Variants in CAB39 observed in about 807,000 individuals in gnomAD.
CAB39 encodes calcium-binding protein 39.
CAB39 carries 8 observed loss-of-function variants against 40.0 expected under a neutral mutation model. That is an observed-to-expected ratio of 0.20 (90% CI 0.12 to 0.36). The LOEUF is 0.36. Ranked by LOEUF, CAB39 falls within the 10% of genes least tolerant of loss-of-function variation. The pLI is 1.00. For missense variants in CAB39, 270 were observed against 401.1 expected, an observed-to-expected ratio of 0.67 and a Z score of 2.79; for synonymous variants, 156 against 141.6, an observed-to-expected ratio of 1.10 and a Z score of -0.72.
At chr2:230,806,414 G>A (rs1696195047) in intron 5 of CAB39, among the ~76,000 whole-genome samples, 1 of 152,136 alleles carries the variant, frequency 6.6e-6, no homozygotes. Flanking sequence ...CTAACTGATA[G>A]TCTCACTCCA....
At chr2:230,817,196 TAAG>T (rs766768260) in intron 7 of CAB39, among the ~76,000 whole-genome samples, 48 of 152,284 alleles carry the variant, frequency 3.2e-4, no homozygotes, top group Admixed American at 1.8e-3. Context: ...TCAGGAGACC[TAAG>T]AAGGAGCAGA....
At chr2:230,725,311 G>T (rs1694544339) in intron 1 of CAB39, 1 of 1,572,818 alleles carries the variant, frequency 6.4e-7, no homozygotes, top group African/African-American at 1.4e-5. Context: ...CCAGCTTCTT[G>T]CCCAGGACTT....
chr2:230,722,670 C>T (rs1002401354), intron 1 of CAB39, among the ~76,000 whole-genome samples: 4 of 152,188 alleles, frequency 2.6e-5, no homozygotes, highest in African/African-American at 9.7e-5. Context: ...CCATGCATAG[C>T]GTGTCTGATA....
intron 1 of CAB39, among the ~76,000 whole-genome samples, chr2:230,727,363 C>CGT (rs10542723): frequency 0.15 from 19,177 of 126,806 alleles, 1,508 homozygotes; most frequent in Middle Eastern, 0.2. Flanking sequence ...GATTGTTAAC[C>CGT]GTGTGTGTGT....
intron 2 of CAB39, among the ~76,000 whole-genome samples, chr2:230,770,873 TAGAG>T (rs1484210254): frequency 6.6e-6 from 1 of 151,660 alleles, no homozygotes; most frequent in African/African-American, 2.4e-5. Context: ...AAACTAGAAA[TAGAG>T]GAAGGGAATT....
At position 230,720,368 on chromosome 2, in the gene CAB39, G is replaced by A. The variant is rs192813380; in HGVS notation, c.-44+7138G>A. ...ATTCTATCACTGGTAAGAGATAAGG[G>A]TGATATTCACCACCCATTAGCATTC... On this transcript the variant is annotated intron_variant, in intron 1 of 8. Transcript: ENST00000258418. Among the ~76,000 whole-genome samples, 225 of 152,290 alleles carry A rather than the reference G, an allele frequency of 1.5e-3. 1 individual carries two copies. Among genetic ancestry groups the A allele is most frequent in the Middle Eastern group, 3.4e-3 (1 of 294 alleles).
chr2:230,720,309 C>A (rs1694425086), intron 1 of CAB39, among the ~76,000 whole-genome samples: 2 of 152,222 alleles, frequency 1.3e-5, no homozygotes, highest in African/African-American at 4.8e-5. Flanking sequence ...AGGTGGCATC[C>A]TGGCTTAGAT....
chr2:230,740,432 G>A (rs1244017846), intron 1 of CAB39, among the ~76,000 whole-genome samples: 1 of 152,148 alleles, frequency 6.6e-6, no homozygotes, highest in Non-Finnish European at 1.5e-5. Context: ...AAATCAGAAG[G>A]AATTGAATAG....
intron 2 of CAB39, among the ~76,000 whole-genome samples, chr2:230,787,024 T>C (rs1435557514): frequency 6.6e-6 from 1 of 151,986 alleles, no homozygotes; most frequent in Non-Finnish European, 1.5e-5. Context: ...CTGAGGGGGA[T>C]TATTAGGAGG....
At chr2:230,742,759 A>G (rs1361719558) in intron 1 of CAB39, among the ~76,000 whole-genome samples, 12 of 152,168 alleles carry the variant, frequency 7.9e-5, no homozygotes, top group Non-Finnish European at 1.5e-5. Flanking sequence ...AATTGATCAG[A>G]GGGGTGGAAA....
At chr2:230,745,433 C>T (rs556277175) in intron 1 of CAB39, among the ~76,000 whole-genome samples, 2 of 152,298 alleles carry the variant, frequency 1.3e-5, no homozygotes, top group East Asian at 3.9e-4. Flanking sequence ...GATGAGTCCT[C>T]AGAGGAGCTC....
At chr2:230,793,156 G>A (rs201541122) in intron 3 of CAB39, 57 bp from the exon 4 acceptor site, 29 of 946,080 alleles carry the variant, frequency 3.1e-5, no homozygotes, top group Non-Finnish European at 4.8e-5. Flanking sequence ...TTGGGAGGGT[G>A]AATGAGCATT....
At chr2:230,777,284 G>C (rs1173807817) in intron 2 of CAB39, among the ~76,000 whole-genome samples, 1 of 151,142 alleles carries the variant, frequency 6.6e-6, no homozygotes, top group African/African-American at 2.4e-5. Flanking sequence ...ATTCTAGCTT[G>C]TTTTCTCCCT....
chr2:230,786,583 G>A (rs1181492626), intron 2 of CAB39, among the ~76,000 whole-genome samples: 1 of 152,082 alleles, frequency 6.6e-6, no homozygotes, highest in African/African-American at 2.4e-5. Flanking sequence ...AATAGAATAT[G>A]GTCTGAATTC....
chr2:230,751,957 A>G (rs770474270), intron 1 of CAB39, among the ~76,000 whole-genome samples: 27 of 151,784 alleles, frequency 1.8e-4, no homozygotes, highest in Non-Finnish European at 2.8e-4. Context: ...CCGTTTTTTA[A>G]AAGCTCGAAT....
chr2:230,755,986 G>A (rs1338823966), intron 1 of CAB39, among the ~76,000 whole-genome samples: 2 of 152,174 alleles, frequency 1.3e-5, no homozygotes, highest in Non-Finnish European at 2.9e-5. Context: ...CAAGGTCACA[G>A]AGCACTCTGA....
At chr2:230,778,598 T>C (rs1362171154) in intron 2 of CAB39, among the ~76,000 whole-genome samples, 1 of 152,178 alleles carries the variant, frequency 6.6e-6, no homozygotes, top group East Asian at 1.9e-4. Flanking sequence ...TACTAATTGC[T>C]TATTTTCCCA....
chr2:230,768,221 A>G (rs1165444405), intron 2 of CAB39, among the ~76,000 whole-genome samples: 1 of 152,188 alleles, frequency 6.6e-6, no homozygotes, highest in Non-Finnish European at 1.5e-5. Context: ...TTATATATTG[A>G]ATTTGTGACT....
intron 2 of CAB39, among the ~76,000 whole-genome samples, chr2:230,775,234 C>CT (rs1559606140): frequency 6.7e-6 from 1 of 149,992 alleles, no homozygotes; most frequent in African/African-American, 2.4e-5. Flanking sequence ...TTCTTTTTTT[C>CT]TTTTTTCTTT....
Sources: gnomAD v4.1 joint callset for allele counts (sites outside exome capture counted in the v4.1 genomes callset) on GRCh38, gnomAD v4.1.1 for gene constraint, MANE v1.5 for transcripts, NCBI Gene and HGNC (gene_info 2026-07-23, HGNC 2026-07-21) for gene names.